TF: variants seen among roughly 807,000 people sequenced by gnomAD.
TF encodes the protein serotransferrin.
A neutral mutation model predicts 82.4 loss-of-function variants in TF; 55 were observed. The ratio of observed to expected loss-of-function variants is 0.67; its 90% CI spans 0.54 to 0.84. The LOEUF (loss-of-function observed/expected upper bound fraction) is 0.84. TF is among the 40% of genes least tolerant of loss of function. The pLI, the probability that TF is intolerant of heterozygous loss-of-function variation, is 0.00. For synonymous variants in TF, 332 were observed against 332.6 expected, an observed-to-expected ratio of 1.00 and a Z score of 0.02; for missense variants, 737 against 868.4, an observed-to-expected ratio of 0.85 and a Z score of 1.90.
chr3:133,755,215 T>A, intron 4 of TF, 148 bp from the exon 5 acceptor site: 1 of 964,210 alleles, frequency 1.0e-6, no homozygotes. Flanking sequence ...TCCTTGATCT[T>A]GATGAGTTAG....
At chr3:133,690,023 T>C in the TF span, among the ~76,000 whole-genome samples, 1 of 152,034 alleles carries the variant, frequency 6.6e-6, no homozygotes, top group African/African-American at 2.4e-5. Context: ...AGGTAGCCAT[T>C]CAGAAAAATA....
chr3:133,740,927 T>TTC, the TF span, among the ~76,000 whole-genome samples: 68 of 110,148 alleles, frequency 6.2e-4, 2 homozygotes, highest in East Asian at 5.3e-3. Flanking sequence ...TTTTTTTTTT[T>TTC]AATTTGAGTA....
chr3:133,708,520 C>T, the TF span, among the ~76,000 whole-genome samples: 1 of 151,840 alleles, frequency 6.6e-6, no homozygotes, highest in East Asian at 1.9e-4. Flanking sequence ...CAAGATATTC[C>T]CTCTCCCCAG....
In TF at chr3:133,788,491, T is replaced by G. The variant is rs1285593467; in HGVS notation, c.*9871T>G. The G allele has an allele frequency of 6.6e-6, 1 of 152,270 alleles. No homozygotes were observed. Among genetic ancestry groups the G allele is most frequent in the Non-Finnish European group, 1.5e-5 (1 of 68,072 alleles). 9.4% of individuals were successfully genotyped at this position (152,270 alleles called of 1,614,324 possible). The stretch of plus-strand genomic sequence containing the variant: ...TTTTGTTGTTTCATTCTTTCCTTGC[T>G]TTGTGTGTTTTGTCCAATTCTTGGT... On this transcript the variant is annotated 3_prime_UTR_variant, in exon 17 of 17. Coordinates refer to ENST00000402696, the MANE Select transcript of TF (RefSeq NM_001063.4).
chr3:133,753,573 G>T (rs1397574328), intron 2 of TF, 22 bp from the exon 3 acceptor site: 1 of 1,608,526 alleles, frequency 6.2e-7, no homozygotes, highest in African/African-American at 1.3e-5. Context: ...GCTTCATCCA[G>T]GACTGGCCTG....
chr3:133,766,515 A>T lies in TF; in HGVS notation c.1486+82A>T, dbSNP rs8177278. 9.9e-4 allele frequency: 1,562 copies of T among 1,584,368 alleles called. 11 individuals carry two copies. The African/African-American group carries it at 0.017, about 17-fold the overall frequency. On this transcript the variant is annotated intron_variant, in intron 12 of 16. Transcript: ENST00000402696. The stretch of plus-strand genomic sequence containing the variant: ...GCCTTAGGGAAGAGGAGTGTGGCAT[A>T]AGGTGCTGTGGGCTCTGGTTCTAGA...
chr3:133,778,958 C>T lies in TF; in HGVS notation c.*338C>T, dbSNP rs1266080888. 2 of 314,176 alleles carry T rather than the reference C, an allele frequency of 6.4e-6. No individual in the cohort carries two copies. Among genetic ancestry groups the T allele is most frequent in the East Asian group, 8.0e-5 (1 of 12,496 alleles). 19.5% of individuals were successfully genotyped at this position (314,176 alleles called of 1,614,324 possible). A position where few individuals can be genotyped will look rare whatever the true frequency, so the allele number is the denominator to read the frequency against. Reference sequence around the variant, plus strand: ...ATCTCCTGGGTACAGTTCAAGGAGACATCTTTTCTAAAAGGGTCTGCGTGA... The same window carrying T: ...ATCTCCTGGGTACAGTTCAAGGAGATATCTTTTCTAAAAGGGTCTGCGTGA... On this transcript the variant is annotated 3_prime_UTR_variant, in exon 17 of 17. Transcript: ENST00000402696.
At chr3:133,711,617 C>T in the TF span, among the ~76,000 whole-genome samples, 2 of 152,090 alleles carry the variant, frequency 1.3e-5, no homozygotes, top group African/African-American at 4.8e-5. Context: ...CTCCTCTAGC[C>T]CCAGCTGCCC....
chr3:133,692,468 T>C, the TF span, among the ~76,000 whole-genome samples: 3 of 152,126 alleles, frequency 2.0e-5, no homozygotes, highest in Non-Finnish European at 4.4e-5. Context: ...GACATCACGA[T>C]GGCTGGGTGC....
chr3:133,773,010 T>G (rs1934296487), intron 14 of TF: 1 of 152,196 alleles, frequency 6.6e-6, no homozygotes, highest in African/African-American at 2.4e-5. Context: ...TGCTGAGGTT[T>G]GCGGTATGAT....
the TF span, among the ~76,000 whole-genome samples, chr3:133,663,898 C>A: frequency 6.6e-6 from 1 of 152,178 alleles, no homozygotes; most frequent in Non-Finnish European, 1.5e-5. Context: ...GAACTTGATA[C>A]CAGAGGAGTG....
chr3:133,686,390 C>G, the TF span, among the ~76,000 whole-genome samples: 25 of 152,212 alleles, frequency 1.6e-4, no homozygotes, highest in African/African-American at 5.8e-4. Context: ...GCAAAAGAAA[C>G]TACCATCAGA....
intron 11 of TF, among the ~76,000 whole-genome samples, chr3:133,765,649 C>G (rs1229352474): frequency 6.6e-6 from 1 of 152,284 alleles, no homozygotes; most frequent in South Asian, 2.1e-4. Context: ...AAAAGCCATT[C>G]TTATTCTATG....
chr3:133,691,239 T>C, the TF span, among the ~76,000 whole-genome samples: 3 of 152,166 alleles, frequency 2.0e-5, no homozygotes, highest in African/African-American at 7.2e-5. Flanking sequence ...GAAGGAACTT[T>C]TGGCTGACAG....
chr3:133,794,140 A>G lies in TF; in HGVS notation c.*15520A>G, dbSNP rs1231169863. On this transcript the variant is annotated 3_prime_UTR_variant, in exon 17 of 17. Coordinates refer to ENST00000402696, the MANE Select transcript of TF (RefSeq NM_001063.4). ...GATATGAGTCTAATGTTAATTAAGCATGAACTCATGGAGAACCAGGATGGC... is the reference window on the plus strand; with the variant it reads ...GATATGAGTCTAATGTTAATTAAGCGTGAACTCATGGAGAACCAGGATGGC... The G allele has an allele frequency of 6.6e-6, 1 of 152,210 alleles. No individual in the cohort carries two copies. Among genetic ancestry groups the G allele is most frequent in the Non-Finnish European group, 1.5e-5 (1 of 68,036 alleles). 9.4% of individuals were successfully genotyped at this position (152,210 alleles called of 1,614,324 possible). A position where few individuals can be genotyped will look rare whatever the true frequency, so the allele number is the denominator to read the frequency against.
chr3:133,685,462 C>T, the TF span, among the ~76,000 whole-genome samples: 1 of 152,176 alleles, frequency 6.6e-6, no homozygotes, highest in Non-Finnish European at 1.5e-5. Flanking sequence ...CCCATCGTCT[C>T]AGCCCAAAAT....
chr3:133,756,382 GTGTTCTT>G, intron 6 of TF, 45 bp downstream of exon 6: 1 of 1,588,340 alleles, frequency 6.3e-7, no homozygotes, highest in Middle Eastern at 1.7e-4. Flanking sequence ...CAAGTAGTGG[GTGTTCTT>G]TTTCTGTGTT....
chr3:133,759,135 TA>T (rs776312533), intron 8 of TF, 39 bp from the exon 9 acceptor site: 4 of 1,613,576 alleles, frequency 2.5e-6, no homozygotes, highest in Non-Finnish European at 1.7e-6. Context: ...AGGCAACAGC[TA>T]GGGCCGCTTC....
At chr3:133,724,147 T>A in the TF span, among the ~76,000 whole-genome samples, 1 of 152,232 alleles carries the variant, frequency 6.6e-6, no homozygotes, top group Non-Finnish European at 1.5e-5. Context: ...GCAGCATGAT[T>A]TATAGTCCTT....
Sources: allele counts gnomAD v4.1 joint callset (sites outside exome capture counted in the v4.1 genomes callset), GRCh38; gene constraint gnomAD v4.1.1; transcripts MANE v1.5; gene names NCBI Gene and HGNC (gene_info 2026-07-23, HGNC 2026-07-21).